Variants in ACOD1 observed in about 807,000 individuals in gnomAD.
The protein encoded by ACOD1 is aconitate decarboxylase 1, also known as cis-aconitate decarboxylase.
In ACOD1, 14 loss-of-function variants were observed where a neutral mutation model predicts 14.2. That is an observed-to-expected ratio of 0.99 (90% CI 0.65 to 1.54). The LOEUF (loss-of-function observed/expected upper bound fraction) is 1.54, where lower values mean the gene tolerates loss of function less well. Among genes scored for constraint, ACOD1 ranks in the 40% most tolerant of loss-of-function variants. ACOD1 has a pLI of 0.00. For missense variants in ACOD1, 530 were observed against 586.3 expected (o/e 0.90, Z 0.99); for synonymous variants, 182 against 221.7 (o/e 0.82, Z 1.59).
intron 1 of ACOD1, among the ~76,000 whole-genome samples, chr13:76,951,166 A>C (rs1283627115): frequency 6.6e-6 from 1 of 152,216 alleles, no homozygotes; most frequent in Non-Finnish European, 1.5e-5. Context: ...GTTTAGAAGA[A>C]ACTGATCAAT....
rs1395056013 is a variant in ACOD1, at chr13:76,958,101, A to G, written c.*116A>G. Reference sequence around the variant, plus strand: ...AAATGAACAAAGATGGAGAGAGTCCAGAAACAGAACTACATATATCTGGAA... The same window carrying G: ...AAATGAACAAAGATGGAGAGAGTCCGGAAACAGAACTACATATATCTGGAA... On this transcript the variant is annotated 3_prime_UTR_variant, in exon 5 of 5. Transcript: ENST00000377462. 4.7e-6 allele frequency: 5 copies of G among 1,070,256 alleles called. No homozygotes were observed. Among genetic ancestry groups the G allele is most frequent in the African/African-American group, 1.6e-5 (1 of 62,562 alleles). The allele number at this position is 1,070,256 out of a possible 1,614,324, so 66.3% of individuals were successfully genotyped here. A position where few individuals can be genotyped will look rare whatever the true frequency, so the allele number is the denominator to read the frequency against.
At position 76,958,076 on chromosome 13, in the gene ACOD1, A is replaced by T. The variant is rs2033899007; in HGVS notation, c.*91A>T. The stretch of plus-strand genomic sequence containing the variant: ...GTCTGCTGCTTGGTTTTCCCAGGAA[A>T]AATGAACAAAGATGGAGAGAGTCCA... On this transcript the variant is annotated 3_prime_UTR_variant, in exon 5 of 5. Transcript: ENST00000377462. 8.0e-7 allele frequency: 1 copy of T among 1,256,802 alleles called. No individual in the cohort carries two copies. The highest frequency in any genetic ancestry group is 1.5e-5 in the African/African-American group (1 of 65,978). 77.9% of individuals were successfully genotyped at this position (1,256,802 alleles called of 1,614,324 possible). A position where few individuals can be genotyped will look rare whatever the true frequency, so the allele number is the denominator to read the frequency against.
intron 1 of ACOD1, among the ~76,000 whole-genome samples, chr13:76,950,313 G>A (rs986182234): frequency 6.6e-6 from 1 of 152,212 alleles, no homozygotes; most frequent in Non-Finnish European, 1.5e-5. Context: ...AGAAAGGGAA[G>A]CAATCCAATA....
chr13:76,956,777 T>C (rs1481328530), intron 4 of ACOD1, among the ~76,000 whole-genome samples: 1 of 152,190 alleles, frequency 6.6e-6, no homozygotes, highest in Non-Finnish European at 1.5e-5. Context: ...CCTCCCAAAG[T>C]CCTGGGATTA....
intron 1 of ACOD1, among the ~76,000 whole-genome samples, chr13:76,948,888 T>C (rs1300407202): frequency 2.0e-5 from 3 of 152,210 alleles, no homozygotes; most frequent in African/African-American, 7.2e-5. Context: ...CACCACCTTC[T>C]GTATAAGATA....
chr13:76,955,260 G>A, intron 3 of ACOD1, 59 bp from the exon 4 acceptor site: 2 of 1,334,794 alleles, frequency 1.5e-6, no homozygotes, highest in Non-Finnish European at 2.1e-6. Context: ...TGGTCCAAAA[G>A]CCATTGCATT....
intron 1 of ACOD1, among the ~76,000 whole-genome samples, chr13:76,949,259 C>G (rs75750397): frequency 0.014 from 2,054 of 151,540 alleles, 29 homozygotes; most frequent in Admixed American, 0.042. Flanking sequence ...GAGCGAGACT[C>G]CGTCTTGAAA....
In ACOD1 at chr13:76,957,093, G is replaced by A. The variant is rs1433137379; in HGVS notation, c.554G>A (p.Arg185Gln). ...TTAGGACTTAGCTCGACAAAGTGCC[G>A]AGAAGCTCTGGCCATTGCTGTTTCC... ...KFLGLSSTKC[R>Q]EALAIAVSHA... The change falls in exon 5 of 5, where the codon CGA becomes CAA. Residue 185 changes from arginine to glutamine, a missense_variant. Arg to Gln is a conservative substitution (Grantham distance 43). Transcript: ENST00000377462. 21 of 1,550,486 alleles carry A rather than the reference G, an allele frequency of 1.4e-5. No homozygotes were observed. Among genetic ancestry groups the A allele is most frequent in the Middle Eastern group, 1.7e-4 (1 of 6,014 alleles).
chr13:76,949,701 A>G (rs9530613), intron 1 of ACOD1, among the ~76,000 whole-genome samples: 65,691 of 151,982 alleles, frequency 0.43, 17,386 homozygotes, highest in Non-Finnish European at 0.59. Flanking sequence ...ATGAATGATC[A>G]ATCACTACAT....
intron 1 of ACOD1, among the ~76,000 whole-genome samples, chr13:76,950,760 C>A (rs1018892914): frequency 1.3e-5 from 2 of 152,224 alleles, no homozygotes; most frequent in Admixed American, 6.5e-5. Context: ...CTACAGGAAT[C>A]TTTCCAAAAC....
At chr13:76,951,295 G>T (rs2033819004) in intron 1 of ACOD1, among the ~76,000 whole-genome samples, 1 of 152,144 alleles carries the variant, frequency 6.6e-6, no homozygotes, top group Non-Finnish European at 1.5e-5. Flanking sequence ...GAGTGCGGTG[G>T]CATGATCTCA....
rs961416483 is a variant in ACOD1, at chr13:76,955,525, G to A, written c.470+1G>A. On this transcript the variant is annotated splice_donor_variant, in intron 4 of 4. Transcript: ENST00000377462. LOFTEE classifies it high-confidence loss of function. Reference sequence around the variant, plus strand: ...AGGAGGCCAATGACATGCCAAAGAGGTATGGAGAGAATTTGCCCCATCAAA... The same window carrying A: ...AGGAGGCCAATGACATGCCAAAGAGATATGGAGAGAATTTGCCCCATCAAA... The A allele has an allele frequency of 1.3e-6, 2 of 1,550,056 alleles. No individual in the cohort carries two copies. The highest frequency in any genetic ancestry group is 1.4e-5 in the African/African-American group (1 of 73,178).
chr13:76,956,946 A>G, intron 4 of ACOD1, 64 bp from the exon 5 acceptor site: 1 of 1,472,246 alleles, frequency 6.8e-7, no homozygotes, highest in Non-Finnish European at 9.1e-7. Context: ...CTTGATGACT[A>G]CGCTATCCTG....
Position 76,957,737 on chromosome 13 carries a change from G to A in ACOD1, c.1198G>A (p.Asp400Asn). ...VTLKDGATFT[D>N]RSDTFYGHWR... ...CCTCAAGGATGGAGCCACCTTCACA[G>A]ATCGCTCTGATACCTTCTATGGGCA... Residue 400 changes from aspartate to asparagine, a missense_variant, in exon 5 of 5, where the codon GAT (aspartate) becomes AAT (asparagine). Asp to Asn is a conservative substitution (Grantham distance 23). Transcript: ENST00000377462. 2 of 1,550,676 alleles carry A rather than the reference G, an allele frequency of 1.3e-6. No individual in the cohort carries two copies. Among genetic ancestry groups the A allele is most frequent in the Non-Finnish European group, 1.7e-6 (2 of 1,147,016 alleles).
At position 76,957,815 on chromosome 13, in the gene ACOD1, G is replaced by A; in HGVS notation, c.1276G>A (p.Ala426Thr). The part of the protein sequence containing the change: ...EDLEEKFRAN[A>T]SKMLSWDTVE... ...CCTAGAGGAAAAGTTCAGAGCCAAT[G>A]CCTCCAAGATGCTGTCCTGGGACAC... The change falls in exon 5 of 5, where the codon GCC becomes ACC. Residue 426 changes from alanine (A) to threonine (T), a missense_variant. Transcript: ENST00000377462. 1.3e-6 allele frequency: 2 copies of A among 1,551,034 alleles called. No homozygotes were observed. The highest frequency in any genetic ancestry group is 1.7e-6 in the Non-Finnish European group (2 of 1,147,092).
In ACOD1 at chr13:76,958,033, T is replaced by C; in HGVS notation, c.*48T>C. ...TTTGCATTTGGGGAGATTCAATGAT[T>C]TGGTTTGTAAAGCAAGGGTCTGCTG... On this transcript the variant is annotated 3_prime_UTR_variant, in exon 5 of 5. Coordinates refer to ENST00000377462, the MANE Select transcript of ACOD1 (RefSeq NM_001258406.2). The C allele has an allele frequency of 1.4e-6, 2 of 1,451,444 alleles. No individual in the cohort carries two copies. Among genetic ancestry groups the C allele is most frequent in the South Asian group, 1.5e-5 (1 of 67,882 alleles). 89.9% of individuals were successfully genotyped at this position (1,451,444 alleles called of 1,614,324 possible). A position where few individuals can be genotyped will look rare whatever the true frequency, so the allele number is the denominator to read the frequency against.
chr13:76,957,015 A>G lies in ACOD1; in HGVS notation c.476A>G (p.His159Arg), dbSNP rs1471882722. 3 of 1,545,916 alleles carry G rather than the reference A, an allele frequency of 1.9e-6. No individual in the cohort carries two copies. In the South Asian group the frequency reaches 3.6e-5, roughly 19 times the overall value. ...TCTGCTTCTTTGCTTTTCAGATTCCATCCCCCTTCCGTGGTAGGAACGTTG... is the reference window on the plus strand; with the variant it reads ...TCTGCTTCTTTGCTTTTCAGATTCCGTCCCCCTTCCGTGGTAGGAACGTTG... ...KEANDMPKRF[H>R]PPSVVGTLGS... The change falls in exon 5 of 5, where the codon CAT becomes CGT. Residue 159 changes from histidine to arginine, a missense_variant. Physicochemically the swap from His to Arg is conservative, Grantham distance 29. Transcript: ENST00000377462.
chr13:76,954,915 T>C (rs1253656066), intron 3 of ACOD1, among the ~76,000 whole-genome samples: 3 of 151,226 alleles, frequency 2.0e-5, no homozygotes, highest in African/African-American at 7.3e-5. Flanking sequence ...GATAACGAGG[T>C]CAGGAGTTTG....
chr13:76,953,486 A>G, intron 2 of ACOD1, 114 bp from the exon 3 acceptor site: 6 of 637,490 alleles, frequency 9.4e-6, no homozygotes, highest in Non-Finnish European at 1.7e-5. Context: ...TATCTGTGGC[A>G]AAGGTTCAAG....
Sources: gnomAD v4.1 joint callset for allele counts (sites outside exome capture counted in the v4.1 genomes callset) on GRCh38, gnomAD v4.1.1 for gene constraint, MANE v1.5 for transcripts, NCBI Gene and HGNC (gene_info 2026-07-23, HGNC 2026-07-21) for gene names.